ADARB2: variants seen among roughly 807,000 people sequenced by gnomAD.
ADARB2 encodes the protein adenosine deaminase RNA specific B2 (inactive).
A neutral mutation model predicts 62.2 loss-of-function variants in ADARB2; 25 were observed. The ratio of observed to expected loss-of-function variants is 0.40; its 90% confidence interval spans 0.29 to 0.56. The LOEUF is 0.56. Ranked by LOEUF, ADARB2 falls within the 20% of genes least tolerant of loss-of-function variation. The pLI, the probability that ADARB2 is intolerant of heterozygous loss-of-function variation, is 0.43. For synonymous variants in ADARB2, 572 were observed against 500.8 expected (o/e 1.14, Z -1.90); for missense variants, 1,071 against 1,077.4 (o/e 0.99, Z 0.08).
At chr10:1,335,221 G>C (rs1162342616) in intron 3 of ADARB2, among the ~76,000 whole-genome samples, 1 of 150,990 alleles carries the variant, frequency 6.6e-6, no homozygotes, top group African/African-American at 2.4e-5. Flanking sequence ...GATGGAGGGA[G>C]GGAATGATGG....
At chr10:1,729,450 C>A (rs1455471755) in intron 1 of ADARB2, among the ~76,000 whole-genome samples, 1 of 152,184 alleles carries the variant, frequency 6.6e-6, no homozygotes, top group Non-Finnish European at 1.5e-5. Flanking sequence ...CTGCTCCAGA[C>A]AGGGATGAGT....
chr10:1,256,390 A>AG (rs1300298163), intron 4 of ADARB2, among the ~76,000 whole-genome samples: 1 of 152,166 alleles, frequency 6.6e-6, no homozygotes, highest in Non-Finnish European at 1.5e-5. Flanking sequence ...GGGTGGGATG[A>AG]GGAGAGGTCA....
Position 1,442,313 on chromosome 10 carries a change from G to T in ADARB2, c.101-63153C>A, listed in dbSNP as rs955045911. 5.9e-5 allele frequency among the ~76,000 whole-genome samples: 9 copies of T among 152,306 alleles called. No individual in the cohort carries two copies. In the South Asian group the frequency reaches 6.2e-4, roughly 11 times the overall value. On this transcript the variant is annotated intron_variant, in intron 1 of 9. Transcript: ENST00000381312. Reference sequence around the variant, plus strand: ...TCAAATTTCTCCCTGGTTAGGTCTTGTCTGTGTCCCCACCACTAAGCATCA... The same window carrying T: ...TCAAATTTCTCCCTGGTTAGGTCTTTTCTGTGTCCCCACCACTAAGCATCA...
intron 3 of ADARB2, among the ~76,000 whole-genome samples, chr10:1,279,147 T>C (rs546693691): frequency 2.0e-5 from 3 of 152,308 alleles, no homozygotes; most frequent in Admixed American, 6.5e-5. Context: ...TTCTTAATGG[T>C]TCTGAAAGCT....
At chr10:1,421,851 A>T (rs1412265588) in intron 1 of ADARB2, among the ~76,000 whole-genome samples, 2 of 152,242 alleles carry the variant, frequency 1.3e-5, no homozygotes, top group African/African-American at 4.8e-5. Flanking sequence ...GGGAGAAGGA[A>T]GCACATTTTG....
At chr10:1,532,763 C>CT (rs1287687517) in intron 1 of ADARB2, among the ~76,000 whole-genome samples, 3 of 152,284 alleles carry the variant, frequency 2.0e-5, no homozygotes, top group Non-Finnish European at 2.9e-5. Flanking sequence ...CCCAGTGGGT[C>CT]AATCGCACCT....
At chr10:1,602,338 C>T (rs922321844) in intron 1 of ADARB2, among the ~76,000 whole-genome samples, 4 of 152,150 alleles carry the variant, frequency 2.6e-5, no homozygotes, top group Non-Finnish European at 4.4e-5. Flanking sequence ...CACTTTTGAG[C>T]GCGTTGTGTT....
intron 1 of ADARB2, among the ~76,000 whole-genome samples, chr10:1,497,500 AC>A (rs1289679084): frequency 6.6e-6 from 1 of 152,182 alleles, no homozygotes; most frequent in East Asian, 1.9e-4. Flanking sequence ...TAATTTAGAA[AC>A]CATTTTCTAA....
At chr10:1,356,780 A>G (rs1278546578) in intron 3 of ADARB2, among the ~76,000 whole-genome samples, 1 of 152,146 alleles carries the variant, frequency 6.6e-6, no homozygotes, top group Admixed American at 6.5e-5. Context: ...ACTCATCACC[A>G]CTTCTAAGAC....
At chr10:1,289,011 T>C (rs933913304) in intron 3 of ADARB2, among the ~76,000 whole-genome samples, 2 of 152,024 alleles carry the variant, frequency 1.3e-5, no homozygotes, top group Non-Finnish European at 2.9e-5. Flanking sequence ...CTCCCTCCAT[T>C]GTGGAATTCA....
intron 1 of ADARB2, among the ~76,000 whole-genome samples, chr10:1,617,204 C>T (rs1232659379): frequency 6.7e-6 from 1 of 149,944 alleles, no homozygotes; most frequent in African/African-American, 2.5e-5. Context: ...GTTTGTGTGC[C>T]CGTCCAGACA....
chr10:1,359,591 G>T (rs960354076), intron 3 of ADARB2, among the ~76,000 whole-genome samples: 4 of 152,178 alleles, frequency 2.6e-5, no homozygotes, highest in African/African-American at 9.7e-5. Context: ...TTATAAGGAA[G>T]CTGATATTGT....
intron 1 of ADARB2, among the ~76,000 whole-genome samples, chr10:1,557,196 C>G (rs563704560): frequency 6.6e-6 from 1 of 151,140 alleles, no homozygotes; most frequent in South Asian, 2.1e-4. Context: ...TACCCAGCCA[C>G]TGTGTCCAGT....
intron 3 of ADARB2, among the ~76,000 whole-genome samples, chr10:1,326,273 G>T (rs1831844162): frequency 6.6e-6 from 1 of 152,194 alleles, no homozygotes; most frequent in Non-Finnish European, 1.5e-5. Context: ...ATGATGCTCT[G>T]GGGAAGTGCC....
At chr10:1,195,270 C>T (rs1271372039) in intron 8 of ADARB2, among the ~76,000 whole-genome samples, 1 of 152,162 alleles carries the variant, frequency 6.6e-6, no homozygotes, top group African/African-American at 2.4e-5. Flanking sequence ...TGCAGGTGCC[C>T]CTGCCAACAT....
intron 1 of ADARB2, among the ~76,000 whole-genome samples, chr10:1,414,896 T>G (rs1413255340): frequency 6.6e-6 from 1 of 152,002 alleles, no homozygotes; most frequent in East Asian, 1.9e-4. Flanking sequence ...GTTAGATAGA[T>G]GGATAAAGGA....
At chr10:1,575,958 G>A (rs1000449713) in intron 1 of ADARB2, among the ~76,000 whole-genome samples, 22 of 152,196 alleles carry the variant, frequency 1.4e-4, no homozygotes, top group African/African-American at 4.6e-4. Flanking sequence ...CATGGGAGGG[G>A]TACTCCGGGG....
intron 1 of ADARB2, among the ~76,000 whole-genome samples, chr10:1,392,978 C>T (rs1466493638): frequency 9.9e-5 from 15 of 152,140 alleles, no homozygotes; most frequent in Admixed American, 9.8e-4. Flanking sequence ...CTCCTAATTT[C>T]CTTCTCAAAG....
intron 3 of ADARB2, among the ~76,000 whole-genome samples, chr10:1,304,711 G>A (rs1445187716): frequency 4.0e-5 from 6 of 148,496 alleles, no homozygotes; most frequent in Non-Finnish European, 6.0e-5. Flanking sequence ...TAGAACTCAG[G>A]ATTAAGAATC....
Sources: gnomAD v4.1 joint callset for allele counts (sites outside exome capture counted in the v4.1 genomes callset) on GRCh38, gnomAD v4.1.1 for gene constraint, MANE v1.5 for transcripts, NCBI Gene and HGNC (gene_info 2026-07-23, HGNC 2026-07-21) for gene names.